CCNY: variants seen among roughly 807,000 people sequenced by gnomAD.
The protein encoded by CCNY is cyclin Y, also known as cyclin-Y.
CCNY carries 19 observed loss-of-function variants against 42.8 expected under a neutral mutation model. The ratio of observed to expected loss-of-function variants is 0.44; its 90% CI spans 0.31 to 0.65. CCNY has a LOEUF of 0.65. CCNY is among the 30% of genes least tolerant of loss of function. The probability of loss-of-function intolerance (pLI) is 0.07; values close to 1 mark genes in which losing one functional copy is unlikely to be tolerated. For synonymous variants in CCNY, 165 were observed against 162.7 expected (o/e 1.01, Z -0.11); for missense variants, 370 against 437.3 (o/e 0.85, Z 1.37).
intron 1 of CCNY, among the ~76,000 whole-genome samples, chr10:35,471,393 A>C (rs1839389303): frequency 6.6e-6 from 1 of 152,176 alleles, no homozygotes; most frequent in Non-Finnish European, 1.5e-5. Flanking sequence ...ATGATAGCTT[A>C]TGATGGCTGC....
At chr10:35,468,391 A>G (rs932734103) in intron 1 of CCNY, among the ~76,000 whole-genome samples, 1 of 152,216 alleles carries the variant, frequency 6.6e-6, no homozygotes, top group African/African-American at 2.4e-5. Context: ...TTGTGTTTGC[A>G]TGCATGTATA....
At chr10:35,299,127 T>G (rs116763745) in intron 3 of CCNY, among the ~76,000 whole-genome samples, 3,423 of 152,312 alleles carry the variant, frequency 0.022, 121 homozygotes, top group African/African-American at 0.077. Context: ...TAAATTGCAT[T>G]TTGTTGGAGA....
Position 35,530,191 on chromosome 10 carries a change from G to A in CCNY, c.527G>A (p.Arg176Gln), listed in dbSNP as rs1840736571. The A allele has an allele frequency of 6.2e-7, 1 of 1,614,168 alleles. No homozygotes were observed. Among genetic ancestry groups the A allele is most frequent in the East Asian group, 2.2e-5 (1 of 44,888 alleles). Residue 176 changes from arginine to glutamine, a missense_variant, in exon 7 of 10, where the codon CGG becomes CAG. By Grantham distance (43) the Arg-to-Gln change is conservative. Around this residue, in one of 2 missense-constraint regions of CCNY, gnomAD observed 234 missense variants for 313.1 expected, o/e 0.75. Transcript: ENST00000374704. This position sits in a 1 kb window ranked among gnomAD's most constrained non-coding sequence, Gnocchi z 4.3. ...CAGAAGCAGATTTACCGGTTCGTTC[G>A]GACACTGTTCAGTGCTGCTCAGCTG... ...PEQKQIYRFV[R>Q]TLFSAAQLTA...
At chr10:35,526,258 CTTCT>C (rs978313643) in intron 5 of CCNY, among the ~76,000 whole-genome samples, 1 of 152,108 alleles carries the variant, frequency 6.6e-6, no homozygotes, top group Non-Finnish European at 1.5e-5. Flanking sequence ...CTTCCTTTTT[CTTCT>C]TTATTTTCTG....
At chr10:35,514,088 A>AC in intron 3 of CCNY, among the ~76,000 whole-genome samples, 1 of 151,386 alleles carries the variant, frequency 6.6e-6, no homozygotes, top group Non-Finnish European at 1.5e-5. Flanking sequence ...AAAAAAAAAA[A>AC]AAAAAAAAAC....
intron 1 of CCNY, among the ~76,000 whole-genome samples, chr10:35,340,603 C>T (rs564756330): frequency 6.6e-6 from 1 of 151,384 alleles, no homozygotes; most frequent in South Asian, 2.1e-4. Flanking sequence ...CTCCCGGGTT[C>T]AAGCAGTTCT....
intron 3 of CCNY, among the ~76,000 whole-genome samples, chr10:35,290,289 C>T (rs986001523): frequency 3.4e-5 from 5 of 145,876 alleles, no homozygotes; most frequent in Admixed American, 1.4e-4. Flanking sequence ...TCGCGGTATG[C>T]GCCTGTAATC....
chr10:35,525,996 A>C lies in CCNY; in HGVS notation c.398A>C (p.Asn133Thr). The C allele has an allele frequency of 6.2e-7, 1 of 1,610,774 alleles. No homozygotes were observed. Residue 133 changes from asparagine to threonine, a missense_variant, in exon 5 of 10, where the codon AAC becomes ACC. By Grantham distance (65) the Asn-to-Thr change is moderately conservative. Around this residue, in one of 2 missense-constraint regions of CCNY, gnomAD observed 234 missense variants for 313.1 expected, o/e 0.75. Coordinates refer to ENST00000374704, the MANE Select transcript of CCNY (RefSeq NM_145012.6). ...VALAIYYHIK[N>T]RDPDGRMLLD... is the part of the protein sequence containing the mutation. Reference sequence around the variant, plus strand: ...CTTGCAATATATTATCACATCAAAAACAGGTATGTGGATGGTTGTGTGCTA... The same window carrying C: ...CTTGCAATATATTATCACATCAAAACCAGGTATGTGGATGGTTGTGTGCTA...
rs190499958 is a variant in CCNY, at chr10:35,529,676, A to G, written c.402-297A>G. On this transcript the variant is annotated intron_variant, in intron 5 of 9. Coordinates refer to ENST00000374704, the MANE Select transcript of CCNY (RefSeq NM_145012.6). The stretch of plus-strand genomic sequence containing the variant: ...TCAGGAGTTCGAGACCAGCCTGGCT[A>G]ACATGGTGAAACCTTGTCTCTACTA... Among the ~76,000 whole-genome samples, 362 of 151,308 alleles carry G rather than the reference A, an allele frequency of 2.4e-3. 2 individuals are homozygous for G. The highest frequency in any genetic ancestry group is 8.4e-3 in the African/African-American group (345 of 41,014).
chr10:35,374,220 T>C (rs966971978), intron 1 of CCNY, among the ~76,000 whole-genome samples: 1 of 152,236 alleles, frequency 6.6e-6, no homozygotes, highest in African/African-American at 2.4e-5. Context: ...GTGTGAAGTG[T>C]ACATATTATA....
intron 1 of CCNY, among the ~76,000 whole-genome samples, chr10:35,431,692 C>A: frequency 6.6e-6 from 1 of 151,992 alleles, no homozygotes; most frequent in Non-Finnish European, 1.5e-5. Flanking sequence ...TCCAGTAAAG[C>A]CATGCTCGTT....
chr10:35,389,647 A>C (rs1447102758), intron 1 of CCNY, among the ~76,000 whole-genome samples: 1 of 152,008 alleles, frequency 6.6e-6, no homozygotes, highest in Non-Finnish European at 1.5e-5. Context: ...CTGTGTCGGC[A>C]AGGCTGGTCT....
intron 7 of CCNY, among the ~76,000 whole-genome samples, chr10:35,541,513 G>A (rs556082628): frequency 6.6e-6 from 1 of 152,134 alleles, no homozygotes; most frequent in Non-Finnish European, 1.5e-5. Flanking sequence ...TCCTGTCCCT[G>A]CAGCCTCCTG....
chr10:35,438,410 C>G (rs1287180411), intron 1 of CCNY, among the ~76,000 whole-genome samples: 1 of 152,128 alleles, frequency 6.6e-6, no homozygotes, highest in Non-Finnish European at 1.5e-5. Context: ...CCTGCCTCAG[C>G]CTTCCAAAGT....
At chr10:35,558,301 A>T (rs970355419) in intron 8 of CCNY, among the ~76,000 whole-genome samples, 1 of 152,250 alleles carries the variant, frequency 6.6e-6, no homozygotes, top group Non-Finnish European at 1.5e-5. Context: ...GGGAAAGAAG[A>T]AGCCAGAAGG....
chr10:35,259,484 C>G (rs1321427614), intron 3 of CCNY, among the ~76,000 whole-genome samples: 2 of 146,910 alleles, frequency 1.4e-5, no homozygotes, highest in Non-Finnish European at 1.5e-5. Context: ...CCACCACACC[C>G]AGTCCTGGTT....
chr10:35,529,850 A>G, intron 5 of CCNY, 123 bp from the exon 6 acceptor site: 2 of 872,726 alleles, frequency 2.3e-6, no homozygotes, highest in Non-Finnish European at 3.6e-6. Flanking sequence ...AGCCTGGGCA[A>G]CAGAGTGAGA....
At chr10:35,364,333 C>T (rs1374135995) in intron 1 of CCNY, among the ~76,000 whole-genome samples, 3 of 152,074 alleles carry the variant, frequency 2.0e-5, no homozygotes, top group Non-Finnish European at 2.9e-5. Context: ...GTTATTCTTA[C>T]CTTTTTCAAG....
chr10:35,498,189 C>T (rs1300726500), intron 2 of CCNY, among the ~76,000 whole-genome samples: 2 of 152,082 alleles, frequency 1.3e-5, no homozygotes, highest in Non-Finnish European at 2.9e-5. Flanking sequence ...GGGTAGAGAC[C>T]CAGCACCCAG....
Sources: allele counts gnomAD v4.1 joint callset (sites outside exome capture counted in the v4.1 genomes callset), GRCh38; gene constraint gnomAD v4.1.1; regional missense constraint gnomAD v4.1.1; non-coding constraint Gnocchi (gnomAD v3.1); transcripts MANE v1.5; gene names NCBI Gene and HGNC (gene_info 2026-07-23, HGNC 2026-07-21).